ZNF365: variants seen among roughly 807,000 people sequenced by gnomAD.
The protein encoded by ZNF365 is protein ZNF365.
A neutral mutation model predicts 35.0 loss-of-function variants in ZNF365; 22 were observed. That is an observed-to-expected ratio of 0.63 (90% CI 0.45 to 0.90). The LOEUF (loss-of-function observed/expected upper bound fraction) is 0.90. Ranked by LOEUF, ZNF365 falls within the 40% of genes least tolerant of loss-of-function variation. The pLI is 0.00. For synonymous variants in ZNF365, 188 were observed against 196.2 expected, an observed-to-expected ratio of 0.96 and a Z score of 0.35; for missense variants, 448 against 500.3, an observed-to-expected ratio of 0.90 and a Z score of 1.00.
intron 3 of ZNF365, among the ~76,000 whole-genome samples, chr10:62,412,238 G>A (rs546918541): frequency 2.6e-5 from 4 of 151,902 alleles, no homozygotes; most frequent in East Asian, 1.9e-4. Context: ...ATTCAACATT[G>A]CTTCATGTTA....
chr10:62,441,919 T>C (rs1427943661), intron 3 of ZNF365, among the ~76,000 whole-genome samples: 2 of 152,200 alleles, frequency 1.3e-5, no homozygotes, highest in African/African-American at 4.8e-5. Flanking sequence ...TTATAAGATT[T>C]GGCTTGTCTC....
downstream of ZNF365, among the ~76,000 whole-genome samples, chr10:62,405,159 A>G (rs752591679): frequency 7.2e-5 from 11 of 152,206 alleles, no homozygotes; most frequent in Non-Finnish European, 1.5e-4. Flanking sequence ...CAAGCCAGGA[A>G]CCTCATCTGG....
intron 3 of ZNF365, among the ~76,000 whole-genome samples, chr10:62,454,269 T>A (rs549315237): frequency 6.6e-6 from 1 of 152,330 alleles, no homozygotes; most frequent in East Asian, 1.9e-4. Flanking sequence ...GTCTGTACAA[T>A]ATGACAATGT....
At position 62,399,810 on chromosome 10, in the gene ZNF365, C is replaced by T. The variant is rs146162672; in HGVS notation, c.*21C>T. Reference sequence around the variant, plus strand: ...TCTAAAAGGGTGGGTGGTGCTGGACCAATCATCGCTGGGCTTTGGGGAACG... The same window carrying T: ...TCTAAAAGGGTGGGTGGTGCTGGACTAATCATCGCTGGGCTTTGGGGAACG... On this transcript the variant is annotated 3_prime_UTR_variant, in exon 5 of 5. Coordinates refer to ENST00000395254, the MANE Select transcript of ZNF365 (RefSeq NM_014951.3). 401 of 1,597,978 alleles carry T rather than the reference C, an allele frequency of 2.5e-4. 5 individuals are homozygous for T. In the African/African-American group the frequency reaches 4.1e-3, roughly 16 times the overall value.
intron 3 of ZNF365, among the ~76,000 whole-genome samples, chr10:62,426,792 G>A (rs569658709): frequency 1.1e-4 from 16 of 152,190 alleles, no homozygotes; most frequent in Non-Finnish European, 1.6e-4. Flanking sequence ...TTAAGTTAGA[G>A]GAATGTCACC....
chr10:62,390,344 G>A (rs1203710208), intron 3 of ZNF365, among the ~76,000 whole-genome samples: 1 of 152,184 alleles, frequency 6.6e-6, no homozygotes, highest in Non-Finnish European at 1.5e-5. Flanking sequence ...CCAGAGCTAA[G>A]AAATGTATGA....
chr10:62,470,875 A>T (rs928079468), intron 4 of ZNF365, among the ~76,000 whole-genome samples: 4 of 151,380 alleles, frequency 2.6e-5, no homozygotes, highest in South Asian at 2.1e-4. Flanking sequence ...GTTGCAAAAA[A>T]TTTTTTCCTG....
At chr10:62,379,856 C>T (rs969917008) in intron 2 of ZNF365, among the ~76,000 whole-genome samples, 1 of 152,160 alleles carries the variant, frequency 6.6e-6, no homozygotes, top group Non-Finnish European at 1.5e-5. Context: ...CGGAGTTGGG[C>T]TCCCCTGCCA....
At chr10:62,427,061 T>C (rs1840261152) in intron 3 of ZNF365, among the ~76,000 whole-genome samples, 2 of 152,228 alleles carry the variant, frequency 1.3e-5, no homozygotes, top group Admixed American at 1.3e-4. Context: ...TTCCTATCGC[T>C]TAGTGAAGTT....
intron 4 of ZNF365, among the ~76,000 whole-genome samples, chr10:62,462,613 T>C (rs1840866041): frequency 6.6e-6 from 1 of 152,004 alleles, no homozygotes; most frequent in Non-Finnish European, 1.5e-5. Context: ...AATACTAGAG[T>C]AGTCTTCCCT....
Position 62,400,638 on chromosome 10 carries a change from G to A in ZNF365, c.*849G>A. On this transcript the variant is annotated 3_prime_UTR_variant, in exon 5 of 5. Coordinates refer to ENST00000395254, the MANE Select transcript of ZNF365 (RefSeq NM_014951.3). ...TGGAATGACAGTGGACTGCACGCTTGGTGCATCGTGCATCGTGACCATCCT... is the reference window on the plus strand; with the variant it reads ...TGGAATGACAGTGGACTGCACGCTTAGTGCATCGTGCATCGTGACCATCCT... The A allele has an allele frequency of 1.0e-6, 1 of 985,716 alleles. No homozygotes were observed. The highest frequency in any genetic ancestry group is 1.2e-6 in the Non-Finnish European group (1 of 829,946). The allele number at this position is 985,716 out of a possible 1,614,324, so 61.1% of individuals were successfully genotyped here.
intron 2 of ZNF365, among the ~76,000 whole-genome samples, chr10:62,383,461 A>T (rs1839474406): frequency 6.6e-6 from 1 of 152,164 alleles, no homozygotes; most frequent in South Asian, 2.1e-4. Context: ...GAGGAGGAGG[A>T]ATGACCCTGG....
chr10:62,381,230 C>A (rs143224732), intron 2 of ZNF365, among the ~76,000 whole-genome samples: 3 of 152,046 alleles, frequency 2.0e-5, no homozygotes, highest in Non-Finnish European at 2.9e-5. Flanking sequence ...CTTGAAGGGG[C>A]GGCAGGGAGG....
chr10:62,404,993 G>A (rs138414488), downstream of ZNF365, among the ~76,000 whole-genome samples: 1 of 152,188 alleles, frequency 6.6e-6, no homozygotes, highest in African/African-American at 2.4e-5. Flanking sequence ...CTCTCAGCAG[G>A]TGGAGAAACA....
chr10:62,466,281 G>A (rs1840942127), intron 4 of ZNF365, among the ~76,000 whole-genome samples: 1 of 152,200 alleles, frequency 6.6e-6, no homozygotes, highest in Non-Finnish European at 1.5e-5. Flanking sequence ...CCTGGTGCCT[G>A]CAGTGGCAGT....
intron 3 of ZNF365, among the ~76,000 whole-genome samples, chr10:62,455,422 T>C (rs1840746880): frequency 6.6e-6 from 1 of 152,190 alleles, no homozygotes; most frequent in Non-Finnish European, 1.5e-5. Flanking sequence ...TAAAAACTTT[T>C]TTTTCTGGTG....
At chr10:62,452,498 G>A (rs1212731351) in intron 3 of ZNF365, among the ~76,000 whole-genome samples, 2 of 152,218 alleles carry the variant, frequency 1.3e-5, no homozygotes, top group East Asian at 1.9e-4. Context: ...GTTTCTCAAA[G>A]TGGAGTACAC....
intron 3 of ZNF365, among the ~76,000 whole-genome samples, chr10:62,420,374 A>T (rs4578271): frequency 0.62 from 93,519 of 152,006 alleles, 29,468 homozygotes; most frequent in East Asian, 0.84. Context: ...GTTCAGTTTG[A>T]TGGAGCTTCC....
chr10:62,431,418 C>A (rs1411390095), intron 3 of ZNF365, among the ~76,000 whole-genome samples: 1 of 152,156 alleles, frequency 6.6e-6, no homozygotes, highest in Non-Finnish European at 1.5e-5. Flanking sequence ...CATATCATAT[C>A]CTGAACATTT....
Sources: allele counts gnomAD v4.1 joint callset (sites outside exome capture counted in the v4.1 genomes callset), GRCh38; gene constraint gnomAD v4.1.1; transcripts MANE v1.5; gene names NCBI Gene and HGNC (gene_info 2026-07-23, HGNC 2026-07-21).